Variants in NIT2 observed in about 807,000 individuals in gnomAD.
The protein encoded by NIT2 is nitrilase family member 2, also known as omega-amidase NIT2.
In NIT2, 46 loss-of-function variants were observed where a neutral mutation model predicts 42.7. That is an observed-to-expected ratio of 1.08 (90% CI 0.85 to 1.38). The LOEUF is 1.38. Ranked by LOEUF, NIT2 falls within the 40% of genes most tolerant of loss-of-function variation. The pLI is 0.00. For synonymous variants in NIT2, 123 were observed against 121.9 expected (o/e 1.01, Z -0.06); for missense variants, 309 against 342.5 (o/e 0.90, Z 0.77).
intron 5 of NIT2, 53 bp downstream of exon 5, chr3:100,345,731 G>GT: frequency 8.9e-7 from 1 of 1,125,934 alleles, no homozygotes; most frequent in Non-Finnish European, 1.3e-6. Context: ...AGACAATCAG[G>GT]TATTTATTTC....
chr3:100,357,573 G>A lies in NIT2; in HGVS notation c.*2305G>A, dbSNP rs1403382069. 2.6e-5 allele frequency: 4 copies of A among 151,618 alleles called. No homozygotes were observed. The highest frequency in any genetic ancestry group is 2.1e-4 in the South Asian group (1 of 4,798). 9.4% of individuals were successfully genotyped at this position (151,618 alleles called of 1,614,324 possible). A position where few individuals can be genotyped will look rare whatever the true frequency, so the allele number is the denominator to read the frequency against. On this transcript the variant is annotated 3_prime_UTR_variant, in exon 10 of 10. Transcript: ENST00000394140. Reference sequence around the variant, plus strand: ...GTCTTGATGCTAGAGAAGCAAAGACGCTTTACAGAGATGTAGCATTCCTGT... The same window carrying A: ...GTCTTGATGCTAGAGAAGCAAAGACACTTTACAGAGATGTAGCATTCCTGT...
At chr3:100,335,794 A>C (rs1262962619) in intron 1 of NIT2, among the ~76,000 whole-genome samples, 3 of 152,162 alleles carry the variant, frequency 2.0e-5, no homozygotes, top group African/African-American at 7.2e-5. Flanking sequence ...GCTTGAGTTC[A>C]CGAGTCAAGA....
At position 100,339,071 on chromosome 3, in the gene NIT2, T is replaced by C; in HGVS notation, c.8-16T>C. ...TCGATCTTCTGATAGCTGTTTTCTT[T>C]TGTCTTTGTTCTCAGCTTTCCGCTT... On this transcript the variant is annotated splice_polypyrimidine_tract_variant and intron_variant, in intron 1 of 9. Coordinates refer to ENST00000394140, the MANE Select transcript of NIT2 (RefSeq NM_020202.5). 12 of 1,565,484 alleles carry C rather than the reference T, an allele frequency of 7.7e-6. No homozygotes were observed. Among genetic ancestry groups the C allele is most frequent in the Non-Finnish European group, 1.1e-5 (12 of 1,135,618 alleles).
In NIT2 at chr3:100,357,548, G is replaced by A. The variant is rs1377466062; in HGVS notation, c.*2280G>A. 3 of 151,594 alleles carry A rather than the reference G, an allele frequency of 2.0e-5. 1 individual carries two copies. Among genetic ancestry groups the A allele is most frequent in the South Asian group, 4.1e-4 (2 of 4,822 alleles). The allele number at this position is 151,594 out of a possible 1,614,324, so 9.4% of individuals were successfully genotyped here. On this transcript the variant is annotated 3_prime_UTR_variant, in exon 10 of 10. Transcript: ENST00000394140. ...AACCAGTGGACAAGCCATCCTAGCT[G>A]TCTTGATGCTAGAGAAGCAAAGACG...
chr3:100,342,079 GTCT>G (rs1268782792), intron 4 of NIT2, among the ~76,000 whole-genome samples: 1 of 152,012 alleles, frequency 6.6e-6, no homozygotes, highest in Non-Finnish European at 1.5e-5. Context: ...GTATCATTAA[GTCT>G]TCTTGATGAG....
chr3:100,345,980 CT>C, intron 5 of NIT2, 200 bp from the exon 6 acceptor site: 1 of 603,730 alleles, frequency 1.7e-6, no homozygotes, highest in Non-Finnish European at 3.0e-6. Context: ...AATTTCTCAT[CT>C]TTACTCCGCT....
intron 4 of NIT2, among the ~76,000 whole-genome samples, chr3:100,343,388 C>A (rs1161978694): frequency 1.3e-5 from 2 of 151,810 alleles, no homozygotes; most frequent in African/African-American, 4.8e-5. Flanking sequence ...CTGTTTTTGT[C>A]TTTCCAATAC....
intron 6 of NIT2, 62 bp downstream of exon 6, chr3:100,346,317 T>C (rs1576201321): frequency 7.0e-7 from 1 of 1,437,808 alleles, no homozygotes; most frequent in Non-Finnish European, 9.7e-7. Flanking sequence ...GGCTGGTCTA[T>C]GTGGGATCCT....
chr3:100,342,978 A>C (rs1358496719), intron 4 of NIT2, among the ~76,000 whole-genome samples: 1 of 151,474 alleles, frequency 6.6e-6, no homozygotes, highest in Non-Finnish European at 1.5e-5. Flanking sequence ...TTCATTCTTG[A>C]AAGATATTTT....
At chr3:100,341,948 C>T (rs1706159775) in intron 4 of NIT2, among the ~76,000 whole-genome samples, 1 of 151,960 alleles carries the variant, frequency 6.6e-6, no homozygotes, top group African/African-American at 2.4e-5. Context: ...GAAGCTGAGA[C>T]AGGAGAATTG....
chr3:100,360,064 C>A lies in NIT2; in HGVS notation c.*4796C>A, dbSNP rs1706363637. On this transcript the variant is annotated 3_prime_UTR_variant, in exon 10 of 10. Transcript: ENST00000394140. ...CTCAGTTTTTGAGCTCCTCTATGTT[C>A]ATCTTTTTATGGCTAACCCTCACCA... 1 of 152,120 alleles carries A rather than the reference C, an allele frequency of 6.6e-6. No homozygotes were observed. The highest frequency in any genetic ancestry group is 1.5e-5 in the Non-Finnish European group (1 of 68,016). 9.4% of individuals were successfully genotyped at this position (152,120 alleles called of 1,614,324 possible).
intron 8 of NIT2, among the ~76,000 whole-genome samples, chr3:100,353,981 A>G (rs538489131): frequency 6.6e-6 from 1 of 152,182 alleles, no homozygotes; most frequent in East Asian, 1.9e-4. Context: ...TCGCTTTGTT[A>G]GCCAGGCTGG....
rs146851779 is a variant in NIT2, at chr3:100,349,237, C to A, written c.584+356C>A. The A allele has an allele frequency of 3.8e-3, 610 of 161,498 alleles. 5 individuals are homozygous for A. The highest frequency in any genetic ancestry group is 0.013 in the African/African-American group (533 of 41,656). The allele number at this position is 161,498 out of a possible 1,614,324, so 10.0% of individuals were successfully genotyped here. On this transcript the variant is annotated intron_variant, in intron 7 of 9. Coordinates refer to ENST00000394140, the MANE Select transcript of NIT2 (RefSeq NM_020202.5). ...CAAGAGATCGTCCTGCCTCAGCCTC[C>A]TGAGTAGCTGGGACTACAAACATGC...
chr3:100,343,455 C>A (rs1213726460), intron 4 of NIT2, among the ~76,000 whole-genome samples: 2 of 152,046 alleles, frequency 1.3e-5, no homozygotes, highest in Non-Finnish European at 2.9e-5. Flanking sequence ...GACTTATTCA[C>A]TGTTTCTTCT....
At position 100,335,985 on chromosome 3, in the gene NIT2, C is replaced by G. The variant is rs1193523634; in HGVS notation, c.7+1187C>G. On this transcript the variant is annotated intron_variant, in intron 1 of 9. Transcript: ENST00000394140. Reference sequence around the variant, plus strand: ...GTGGATTTATCTGCTGTTCTGATAACAGCTCAAAATATCTGTTTGCCCCAG... The same window carrying G: ...GTGGATTTATCTGCTGTTCTGATAAGAGCTCAAAATATCTGTTTGCCCCAG... Among the ~76,000 whole-genome samples, 3 of 152,326 alleles carry G rather than the reference C, an allele frequency of 2.0e-5. No individual in the cohort carries two copies. In the East Asian group the frequency reaches 5.8e-4, roughly 29 times the overall value.
chr3:100,353,068 G>C (rs899363230), intron 8 of NIT2, among the ~76,000 whole-genome samples: 3 of 152,144 alleles, frequency 2.0e-5, no homozygotes, highest in Non-Finnish European at 2.9e-5. Context: ...GTCTACATTT[G>C]TACAGTTTAC....
chr3:100,343,981 T>C (rs1049558003), intron 4 of NIT2, among the ~76,000 whole-genome samples: 3 of 152,212 alleles, frequency 2.0e-5, no homozygotes, highest in Admixed American at 6.5e-5. Context: ...CAAACTCTTA[T>C]CTTCTTTGAA....
intron 1 of NIT2, among the ~76,000 whole-genome samples, chr3:100,335,665 AAGCCATC>A (rs1706060864): frequency 6.6e-6 from 1 of 152,164 alleles, no homozygotes; most frequent in South Asian, 2.1e-4. Flanking sequence ...GTAGGAGAGG[AAGCCATC>A]AGCGTAGCCA....
intron 7 of NIT2, among the ~76,000 whole-genome samples, chr3:100,350,657 ACAGT>A (rs1706264070): frequency 6.6e-6 from 1 of 152,180 alleles, no homozygotes; most frequent in Non-Finnish European, 1.5e-5. Context: ...CTTAGTCACG[ACAGT>A]CAGGAAGATC....
Sources: allele counts gnomAD v4.1 joint callset (sites outside exome capture counted in the v4.1 genomes callset), GRCh38; gene constraint gnomAD v4.1.1; transcripts MANE v1.5; gene names NCBI Gene and HGNC (gene_info 2026-07-23, HGNC 2026-07-21).